Variants in TRPM4 observed in about 807,000 individuals in gnomAD.
TRPM4 encodes the protein transient receptor potential cation channel subfamily M member 4, also known as calcium-activated non-selective cation channel 1.
Under a neutral mutation model 135.6 loss-of-function variants are expected in TRPM4, and 124 were observed. The observed-to-expected ratio is 0.91, with a 90% CI of 0.79 to 1.06. The LOEUF is 1.06. Ranked by LOEUF, TRPM4 falls within the 50% of genes least tolerant of loss-of-function variation. The pLI is 0.00. For missense variants in TRPM4, 1,658 were observed against 1,671.4 expected (o/e 0.99, Z 0.14); for synonymous variants, 745 against 705.6 (o/e 1.06, Z -0.88).
At chr19:49,182,395 C>A in intron 10 of TRPM4, 183 bp from the exon 11 acceptor site, 2 of 548,540 alleles carry the variant, frequency 3.6e-6, no homozygotes, top group African/African-American at 2.9e-5. Flanking sequence ...CATCCATCTG[C>A]CCATCCATCC....
intron 12 of TRPM4, among the ~76,000 whole-genome samples, chr19:49,184,715 G>A (rs757337446): frequency 3.3e-5 from 5 of 151,466 alleles, no homozygotes; most frequent in Non-Finnish European, 2.9e-5. Flanking sequence ...TCCTGACCTC[G>A]TGATCTGCCC....
chr19:49,197,950 A>C (rs1359587307), intron 17 of TRPM4, among the ~76,000 whole-genome samples: 1 of 151,636 alleles, frequency 6.6e-6, no homozygotes, highest in East Asian at 1.9e-4. Context: ...TAGCCTCTGA[A>C]AGTGCTGAGA....
chr19:49,158,127 C>A, intron 1 of TRPM4, 65 bp from the exon 2 acceptor site: 1 of 1,514,736 alleles, frequency 6.6e-7, no homozygotes, highest in Non-Finnish European at 9.2e-7. Flanking sequence ...GGCTCTGTGT[C>A]CCATAGGACA....
chr19:49,168,206 C>G (rs1023977565), intron 4 of TRPM4, 54 bp from the exon 5 acceptor site: 3 of 1,610,688 alleles, frequency 1.9e-6, no homozygotes, highest in Non-Finnish European at 2.5e-6. Flanking sequence ...GTGTCTCTGT[C>G]TTATTCTTTG....
At chr19:49,186,936 C>T (rs1310145683) in intron 12 of TRPM4, among the ~76,000 whole-genome samples, 1 of 151,728 alleles carries the variant, frequency 6.6e-6, no homozygotes, top group Non-Finnish European at 1.5e-5. Context: ...CTGGGGAAAG[C>T]TCTAAGGCAG....
intron 9 of TRPM4, among the ~76,000 whole-genome samples, chr19:49,175,224 C>A (rs980276276): frequency 6.6e-6 from 1 of 151,686 alleles, no homozygotes; most frequent in Non-Finnish European, 1.5e-5. Context: ...TACAGGCATG[C>A]GCCACCACAC....
Position 49,183,097 on chromosome 19 carries a change from A to G in TRPM4, c.1628A>G (p.Lys543Arg). Residue 543 changes from lysine to arginine, a missense_variant, in exon 12 of 25, where the codon AAG (lysine) becomes AGG (arginine). Physicochemically the swap from Lys to Arg is conservative, Grantham distance 26. Around this residue, in one of 3 missense-constraint regions of TRPM4, gnomAD observed 1,412 missense variants for 1,408.7 expected, o/e 1.00. Coordinates refer to ENST00000252826, the MANE Select transcript of TRPM4 (RefSeq NM_017636.4). ...FGESMYLLSDKATSPLSLDAG... is the reference protein window; with the variant it reads ...FGESMYLLSDRATSPLSLDAG... Reference sequence around the variant, plus strand: ...TGGCAGATGTATCTGCTCTCGGACAAGGCCACCTCGCCGCTCTCGCTGGAT... The same window carrying G: ...TGGCAGATGTATCTGCTCTCGGACAGGGCCACCTCGCCGCTCTCGCTGGAT... 1 of 1,613,002 alleles carries G rather than the reference A, an allele frequency of 6.2e-7. No homozygotes were observed. Among genetic ancestry groups the G allele is most frequent in the Non-Finnish European group, 8.5e-7 (1 of 1,180,008 alleles).
In TRPM4 at chr19:49,182,644, C is replaced by G; in HGVS notation, c.1330C>G (p.Leu444Val). 6.2e-7 allele frequency: 1 copy of G among 1,614,222 alleles called. No homozygotes were observed. The highest frequency in any genetic ancestry group is 1.7e-5 in the Admixed American group (1 of 60,026). ...LNDRPEFVRL[L>V]ISHGLSLGHF... is the part of the protein sequence containing the mutation. ...TGACCGGCCTGAGTTCGTGCGCTTG[C>G]TCATTTCCCACGGCCTCAGCCTGGG... Residue 444 changes from leucine to valine, a missense_variant, in exon 11 of 25, where the codon CTC becomes GTC. Transcript: ENST00000252826.
intron 20 of TRPM4, among the ~76,000 whole-genome samples, chr19:49,209,784 T>C (rs141043743): frequency 0.022 from 3,279 of 146,952 alleles, 168 homozygotes; most frequent in African/African-American, 0.079. Context: ...AGTCTTACTC[T>C]GTCTCCCAGG....
chr19:49,184,342 T>G (rs970407999), intron 12 of TRPM4, among the ~76,000 whole-genome samples: 9 of 151,966 alleles, frequency 5.9e-5, no homozygotes, highest in African/African-American at 2.2e-4. Context: ...TGATCTTTAT[T>G]TTGCCTTTTT....
At chr19:49,160,810 G>A (rs573655477) in intron 2 of TRPM4, among the ~76,000 whole-genome samples, 37 of 152,236 alleles carry the variant, frequency 2.4e-4, no homozygotes, top group Admixed American at 2.0e-4. Context: ...GTCTGAGCGG[G>A]AGGGGTAGTG....
chr19:49,169,009 C>CAATAATAATAAT (rs577879197), intron 6 of TRPM4, among the ~76,000 whole-genome samples: 1 of 149,032 alleles, frequency 6.7e-6, no homozygotes, highest in South Asian at 2.2e-4. Context: ...TTGTCTCTAC[C>CAATAATAATAAT]AATAATAATA....
intron 2 of TRPM4, among the ~76,000 whole-genome samples, chr19:49,164,535 C>T (rs537094104): frequency 7.9e-5 from 12 of 151,068 alleles, no homozygotes; most frequent in Non-Finnish European, 1.2e-4. Flanking sequence ...CCCGCCACCA[C>T]GACCAGCTAA....
intron 19 of TRPM4, 135 bp downstream of exon 19, chr19:49,200,920 T>C: frequency 2.1e-6 from 2 of 931,914 alleles, no homozygotes; most frequent in Non-Finnish European, 3.3e-6. Flanking sequence ...CTCTGAGTGA[T>C]ACCCTATATT....
Position 49,211,465 on chromosome 19 carries a change from C to T in TRPM4, c.3641-29C>T, listed in dbSNP as rs747675696. 1.2e-6 allele frequency: 2 copies of T among 1,613,856 alleles called. No homozygotes were observed. Among genetic ancestry groups the T allele is most frequent in the Admixed American group, 3.3e-5 (2 of 60,006 alleles). ...TGTCTCTCCCCTTCCCTGCCAATCACCTGCTCTCTCTTTTCTCTCTTCCCC... is the reference window on the plus strand; with the variant it reads ...TGTCTCTCCCCTTCCCTGCCAATCATCTGCTCTCTCTTTTCTCTCTTCCCC... On this transcript the variant is annotated intron_variant, in intron 24 of 24. Transcript: ENST00000252826. This position sits in a 1 kb window ranked among gnomAD's most constrained non-coding sequence, Gnocchi z 4.8.
intron 10 of TRPM4, among the ~76,000 whole-genome samples, chr19:49,181,667 G>T (rs1022053292): frequency 6.6e-6 from 1 of 151,660 alleles, no homozygotes. Flanking sequence ...GAGTAGCTGG[G>T]ACTACAGGCG....
chr19:49,211,530 C>A lies in TRPM4; in HGVS notation c.*32C>A, dbSNP rs766761217. ...CTGGCGGACTTCAAGGAGAAGCCCC[C>A]ACAGGGGATTTTGCTCCTAGAGTAA... is the stretch of plus-strand genomic sequence containing the variant. On this transcript the variant is annotated 3_prime_UTR_variant, in exon 25 of 25. Coordinates refer to ENST00000252826, the MANE Select transcript of TRPM4 (RefSeq NM_017636.4). The surrounding 1 kb of genome is among the most constrained non-coding windows in gnomAD (Gnocchi z 4.8). 1 of 1,613,848 alleles carries A rather than the reference C, an allele frequency of 6.2e-7. No individual in the cohort carries two copies. Among genetic ancestry groups the A allele is most frequent in the African/African-American group, 1.3e-5 (1 of 74,936 alleles).
chr19:49,188,664 T>C lies in TRPM4; in HGVS notation c.1767T>C (p.Ala589=). 4 of 1,614,088 alleles carry C rather than the reference T, an allele frequency of 2.5e-6. No individual in the cohort carries two copies. Among genetic ancestry groups the C allele is most frequent in the Non-Finnish European group, 3.4e-6 (4 of 1,180,026 alleles). Residue 589 remains alanine, a synonymous_variant, in exon 13 of 25, where the codon GCT becomes GCC. Transcript: ENST00000252826. ...AGGGTTCCAATGCAGTTTCCTCAGC[T>C]CTTGGGGCCTGTTTGCTGCTCCGGG... is the stretch of plus-strand genomic sequence containing the variant. ...WEMGSNAVSS[A]LGACLLLRVM...
In TRPM4 at chr19:49,200,863, A is replaced by G. The variant is rs569563377; in HGVS notation, c.2953+78A>G. Reference sequence around the variant, plus strand: ...CTGGGTCTCTGTCCTCCTGGCTCTAAGAAAATATCTGTCTCTCTGAGTCTC... The same window carrying G: ...CTGGGTCTCTGTCCTCCTGGCTCTAGGAAAATATCTGTCTCTCTGAGTCTC... On this transcript the variant is annotated intron_variant, in intron 19 of 24. Transcript: ENST00000252826. The G allele has an allele frequency of 6.8e-6, 10 of 1,481,292 alleles. No homozygotes were observed. In the East Asian group the frequency reaches 2.1e-4, roughly 32 times the overall value. The allele number at this position is 1,481,292 out of a possible 1,614,324, so 91.8% of individuals were successfully genotyped here. A position where few individuals can be genotyped will look rare whatever the true frequency, so the allele number is the denominator to read the frequency against.
Sources: gnomAD v4.1 joint callset for allele counts (sites outside exome capture counted in the v4.1 genomes callset) on GRCh38, gnomAD v4.1.1 for gene constraint, gnomAD v4.1.1 regional missense constraint, Gnocchi (gnomAD v3.1) non-coding constraint, MANE v1.5 for transcripts, NCBI Gene and HGNC (gene_info 2026-07-23, HGNC 2026-07-21) for gene names.